DNAH14: variants seen among roughly 807,000 people sequenced by gnomAD.
DNAH14 encodes the protein dynein axonemal heavy chain 14.
Under a neutral mutation model 520.9 loss-of-function variants are expected in DNAH14, and 478 were observed. That is an observed-to-expected ratio of 0.92 (90% CI 0.85 to 0.99). The LOEUF is 0.99. DNAH14 is among the 50% of genes least tolerant of loss of function. The probability of loss-of-function intolerance (pLI) is 0.00; values close to 1 mark genes in which losing one functional copy is unlikely to be tolerated. For synonymous variants in DNAH14, 1,581 were observed against 1,757.2 expected (o/e 0.90, Z 2.51); for missense variants, 4,831 against 5,234.5 (o/e 0.92, Z 2.38).
At chr1:225,381,303 T>C in intron 80 of DNAH14, 80 bp from the exon 81 acceptor site, 1 of 1,390,366 alleles carries the variant, frequency 7.2e-7, no homozygotes, top group South Asian at 1.4e-5. Context: ...TTCCCTTAAC[T>C]TTCAAAGCCT....
At chr1:224,992,389 C>T (rs934391170) in intron 8 of DNAH14, among the ~76,000 whole-genome samples, 1 of 152,080 alleles carries the variant, frequency 6.6e-6, no homozygotes, top group Non-Finnish European at 1.5e-5. Context: ...TCTTCCATTT[C>T]TTTTATTAAC....
intron 17 of DNAH14, among the ~76,000 whole-genome samples, chr1:225,078,780 CTCT>C: frequency 6.3e-5 from 2 of 31,850 alleles, no homozygotes; most frequent in South Asian, 1.9e-3. Context: ...CTCTCTCTCT[CTCT>C]CTCTCTCTCT....
At chr1:225,265,795 A>T (rs1334160555) in intron 48 of DNAH14, among the ~76,000 whole-genome samples, 2 of 152,116 alleles carry the variant, frequency 1.3e-5, no homozygotes, top group Non-Finnish European at 2.9e-5. Context: ...CTTTGCCTAC[A>T]TAGGTAAACT....
In DNAH14 at chr1:225,036,124, G is replaced by GT. The variant is rs576015195; in HGVS notation, c.1359-2562dup. Among the ~76,000 whole-genome samples, 229 of 151,874 alleles carry GT rather than the reference G, an allele frequency of 1.5e-3. 1 individual carries two copies. Among genetic ancestry groups the GT allele is most frequent in the African/African-American group, 5.1e-3 (213 of 41,416 alleles). ...GACCCACTCTCTTACAGACTAAGAG[G>GT]TTTTTTTTCTTTTGTTTTGTTTTGT... is the stretch of plus-strand genomic sequence containing the variant. On this transcript the variant is annotated intron_variant, in intron 11 of 85. Coordinates refer to ENST00000682510, the MANE Select transcript of DNAH14 (RefSeq NM_001367479.1).
At chr1:225,398,416 G>A in intron 84 of DNAH14, 104 bp from the exon 85 acceptor site, 1 of 1,365,572 alleles carries the variant, frequency 7.3e-7, no homozygotes, top group African/African-American at 1.5e-5. Context: ...CATGCCTTAG[G>A]CAGGATGAGC....
chr1:225,175,990 G>A (rs1450292679), intron 36 of DNAH14, among the ~76,000 whole-genome samples: 3 of 151,966 alleles, frequency 2.0e-5, no homozygotes, highest in Non-Finnish European at 2.9e-5. Context: ...TCTTGACCTC[G>A]TGATCCACCC....
At chr1:225,330,567 A>G (rs566693258) in intron 64 of DNAH14, among the ~76,000 whole-genome samples, 2 of 152,334 alleles carry the variant, frequency 1.3e-5, no homozygotes, top group East Asian at 1.9e-4. Context: ...AAAGACAAAC[A>G]TGGCATGTTC....
chr1:225,260,918 G>A (rs1369119343), intron 46 of DNAH14, among the ~76,000 whole-genome samples: 1 of 151,984 alleles, frequency 6.6e-6, no homozygotes, highest in Non-Finnish European at 1.5e-5. Flanking sequence ...ATTGTAAATG[G>A]AATTGTTTTC....
intron 67 of DNAH14, 66 bp downstream of exon 67, chr1:225,337,562 A>C (rs961332354): frequency 7.7e-7 from 1 of 1,297,116 alleles, no homozygotes; most frequent in African/African-American, 1.5e-5. Context: ...CTGAGCATAA[A>C]GGCTAAAAGT....
chr1:225,369,521 T>C (rs2095592761), intron 77 of DNAH14, among the ~76,000 whole-genome samples: 2 of 151,936 alleles, frequency 1.3e-5, no homozygotes. Context: ...TATACACTGG[T>C]ATACATGTAC....
At position 225,097,150 on chromosome 1, in the gene DNAH14, T is replaced by C; in HGVS notation, c.3606T>C (p.Thr1202=). Residue 1202 remains threonine, a synonymous_variant, in exon 22 of 86, where the codon ACT becomes ACC. Transcript: ENST00000682510. ...DLVNEWDQNL[T]LFSYTLEEWM... ...TGAATGAATGGGATCAAAACTTGAC[T>C]CTCTTCTCTTACACCCTTGAGGAAT... The C allele has an allele frequency of 6.5e-7, 1 of 1,550,126 alleles. No homozygotes were observed. Among genetic ancestry groups the C allele is most frequent in the Non-Finnish European group, 8.7e-7 (1 of 1,146,112 alleles).
intron 3 of DNAH14, among the ~76,000 whole-genome samples, chr1:224,959,695 A>G (rs1054555090): frequency 2.6e-5 from 4 of 152,108 alleles, no homozygotes; most frequent in Non-Finnish European, 4.4e-5. Flanking sequence ...CAGTTATCAA[A>G]TTACAGTTAA....
At chr1:225,138,884 G>A (rs1165252112) in intron 27 of DNAH14, among the ~76,000 whole-genome samples, 1 of 152,090 alleles carries the variant, frequency 6.6e-6, no homozygotes, top group Non-Finnish European at 1.5e-5. Flanking sequence ...TCAGTTAAAG[G>A]TGTTGAATTC....
intron 42 of DNAH14, 128 bp downstream of exon 42, chr1:225,231,279 T>G (rs1162117059): frequency 1.9e-5 from 12 of 628,964 alleles, no homozygotes; most frequent in Non-Finnish European, 3.1e-5. Context: ...CCACTTAAAT[T>G]TATTTTATTC....
intron 77 of DNAH14, among the ~76,000 whole-genome samples, chr1:225,370,860 T>C (rs1299153886): frequency 6.6e-6 from 1 of 152,154 alleles, no homozygotes; most frequent in Non-Finnish European, 1.5e-5. Context: ...CTTACAGCTA[T>C]AAAAAATTGG....
rs375908462 is a variant in DNAH14 at position 225,300,978 on chromosome 1, A to T, written c.8579A>T (p.Glu2860Val). 3.2e-5 allele frequency: 49 copies of T among 1,551,366 alleles called. No individual in the cohort carries two copies. The African/African-American group carries it at 6.4e-4, about 20-fold the overall frequency. The change falls in exon 56 of 86, where the codon GAA becomes GTA. Residue 2860 changes from glutamate (E) to valine (V), a missense_variant. Transcript: ENST00000682510. ...GCAATGAAAATCAGATATCTTACTG[A>T]ACAATCTGGTCATATGGATAATAGG... Reference protein sequence around the residue: ...SIAMKIRYLTEQSGHMDNRQS... With the variant: ...SIAMKIRYLTVQSGHMDNRQS...
At position 225,346,143 on chromosome 1, in the gene DNAH14, C is replaced by T. The variant is rs1291326319; in HGVS notation, c.10860C>T (p.Leu3620=). 1 of 1,551,578 alleles carries T rather than the reference C, an allele frequency of 6.4e-7. No homozygotes were observed. Among genetic ancestry groups the T allele is most frequent in the African/African-American group, 1.4e-5 (1 of 73,056 alleles). The change falls in exon 70 of 86, where the codon CTC becomes CTT. Residue 3620 remains leucine, a synonymous_variant. Coordinates refer to ENST00000682510, the MANE Select transcript of DNAH14 (RefSeq NM_001367479.1). The part of the protein sequence containing the change: ...GALLYFLVAD[L]TQINYMYQFS... The stretch of plus-strand genomic sequence containing the variant: ...TGCTCTACTTCCTAGTAGCTGATCT[C>T]ACACAAATCAACTACATGTACCAGT...
At chr1:225,355,136 G>A (rs1446160781) in intron 73 of DNAH14, among the ~76,000 whole-genome samples, 2 of 152,266 alleles carry the variant, frequency 1.3e-5, no homozygotes, top group African/African-American at 2.4e-5. Context: ...GAAATGTACT[G>A]CTCACCACTC....
rs1390321601 is a variant in DNAH14 at position 225,358,550 on chromosome 1, GA to G, written c.11680del (p.Met3894TrpfsTer13). 4.5e-6 allele frequency: 7 copies of G among 1,547,820 alleles called. No individual in the cohort carries two copies. Among genetic ancestry groups the G allele is most frequent in the Middle Eastern group, 1.7e-4 (1 of 5,954 alleles). ...CAATTCAGTGAGAAAGTTTATAACT[GA>G]AAAAATGGGAAATAAGTATCTTCAA... ...LNNSVRKFITEKMGNKYLQRT... is the reference protein window; with the variant it reads ...LNNSVRKFITXKMGNKYLQRT... On this transcript the variant is annotated frameshift_variant, in exon 74 of 86. Transcript: ENST00000682510. LOFTEE classifies it high-confidence loss of function.
Sources: gnomAD v4.1 joint callset for allele counts (sites outside exome capture counted in the v4.1 genomes callset) on GRCh38, gnomAD v4.1.1 for gene constraint, MANE v1.5 for transcripts, NCBI Gene and HGNC (gene_info 2026-07-23, HGNC 2026-07-21) for gene names.